Variants in RIMBP2 observed in about 807,000 individuals in gnomAD.
RIMBP2 encodes RIMS binding protein 2, also known as RIMS-binding protein 2.
In RIMBP2, 48 loss-of-function variants were observed where a neutral mutation model predicts 118.6. The ratio of observed to expected loss-of-function variants is 0.40; its 90% confidence interval spans 0.32 to 0.51. The LOEUF (loss-of-function observed/expected upper bound fraction) is 0.51, where lower values mean the gene tolerates loss of function less well. RIMBP2 is among the 20% of genes least tolerant of loss of function. The pLI is 0.41. For missense variants in RIMBP2, 1,551 were observed against 1,768.3 expected, an observed-to-expected ratio of 0.88 and a Z score of 2.20; for synonymous variants, 762 against 742.9, an observed-to-expected ratio of 1.03 and a Z score of -0.42.
chr12:130,521,529 C>T (rs563611483), intron 2 of RIMBP2, among the ~76,000 whole-genome samples: 1 of 152,334 alleles, frequency 6.6e-6, no homozygotes, highest in South Asian at 2.1e-4. Flanking sequence ...CACAAACGCA[C>T]GCGTGGTCCC....
intron 2 of RIMBP2, among the ~76,000 whole-genome samples, chr12:130,589,926 A>G (rs1053671013): frequency 1.3e-5 from 2 of 152,006 alleles, no homozygotes; most frequent in Admixed American, 1.3e-4. Flanking sequence ...CAGCTAACCC[A>G]CAGTCCTCAG....
intron 2 of RIMBP2, among the ~76,000 whole-genome samples, chr12:130,556,101 C>T (rs78505263): frequency 0.027 from 4,066 of 152,238 alleles, 158 homozygotes; most frequent in African/African-American, 0.093. Flanking sequence ...GGAGTCAAGG[C>T]TTGCTGCACT....
intron 2 of RIMBP2, among the ~76,000 whole-genome samples, chr12:130,557,709 T>C (rs1038049530): frequency 1.3e-5 from 2 of 152,238 alleles, no homozygotes; most frequent in Admixed American, 6.5e-5. Context: ...AGGTCACAGC[T>C]ATAGATGACA....
At chr12:130,478,289 C>A (rs1292795875) in intron 5 of RIMBP2, among the ~76,000 whole-genome samples, 1 of 152,200 alleles carries the variant, frequency 6.6e-6, no homozygotes, top group African/African-American at 2.4e-5. Flanking sequence ...ATAAATATTG[C>A]TCTGCAACTC....
intron 7 of RIMBP2, among the ~76,000 whole-genome samples, chr12:130,455,621 C>G (rs866864709): frequency 1.3e-5 from 2 of 152,178 alleles, no homozygotes. Flanking sequence ...TGTTTTTTAG[C>G]AAGACACAAG....
In RIMBP2 at chr12:130,437,049, A is replaced by C. The variant is rs907121805; in HGVS notation, c.1899T>G (p.Gly633=). ...AGGCCTCATCCATCCTGGCGTGGGG[A>C]CCCAGGTGCTCGTCTTTGGTTTCGG... ...GVPETKDEHL[G]PHARMDEAWE... Residue 633 remains glycine, a synonymous_variant, in exon 13 of 23, where the codon GGT becomes GGG. Coordinates refer to ENST00000690449, the MANE Select transcript of RIMBP2 (RefSeq NM_001393629.1). 2 of 1,574,882 alleles carry C rather than the reference A, an allele frequency of 1.3e-6. No individual in the cohort carries two copies. Among genetic ancestry groups the C allele is most frequent in the African/African-American group, 1.4e-5 (1 of 73,528 alleles).
intron 6 of RIMBP2, among the ~76,000 whole-genome samples, chr12:130,460,550 TAGCAGC>T (rs529679479): frequency 3.9e-5 from 6 of 152,060 alleles, no homozygotes; most frequent in Non-Finnish European, 7.4e-5. Flanking sequence ...AGCCTAGTAT[TAGCAGC>T]AGCAGCAGCA....
chr12:130,447,018 AG>A lies in RIMBP2; in HGVS notation c.582-1750del, dbSNP rs531524190. ...AGTGGGGGTTTTCAGGGGGATCTGC[AG>A]GGGGGTCTGGATGGGTAGATGGCCG... On this transcript the variant is annotated intron_variant, in intron 9 of 22. Coordinates refer to ENST00000690449, the MANE Select transcript of RIMBP2 (RefSeq NM_001393629.1). The surrounding 1 kb of genome is among the most constrained non-coding windows in gnomAD (Gnocchi z 4.4). Among the ~76,000 whole-genome samples the A allele has an allele frequency of 4.3e-3, 449 of 104,142 alleles. 3 individuals carry two copies. The highest frequency in any genetic ancestry group is 0.016 in the African/African-American group (416 of 25,496). 68.3% of individuals were successfully genotyped at this position (104,142 alleles called of 152,430 possible).
In RIMBP2 at chr12:130,437,184, G is replaced by A. The variant is rs1294139503; in HGVS notation, c.1764C>T (p.Gly588=). Residue 588 remains glycine, a synonymous_variant, in exon 13 of 23, where the codon GGC becomes GGT. Coordinates refer to ENST00000690449, the MANE Select transcript of RIMBP2 (RefSeq NM_001393629.1). ...CAGCAACTGCAGAGTCCACGGACTC[G>A]CCCTGGGCGGAGAGGGTCCGCACGG... ...GVTVRTLSAQ[G]ESVDSAVAAV... 5 of 1,586,332 alleles carry A rather than the reference G, an allele frequency of 3.2e-6. No individual in the cohort carries two copies. The highest frequency in any genetic ancestry group is 2.3e-5 in the East Asian group (1 of 43,442).
intron 19 of RIMBP2, 65 bp downstream of exon 19, chr12:130,412,550 CCTCT>C: frequency 2.1e-6 from 3 of 1,428,084 alleles, no homozygotes; most frequent in Non-Finnish European, 2.9e-6. Context: ...TCACCGCCTG[CCTCT>C]CTGAGCGGCA....
At chr12:130,564,981 T>C (rs1414073596) in intron 2 of RIMBP2, among the ~76,000 whole-genome samples, 1 of 152,192 alleles carries the variant, frequency 6.6e-6, no homozygotes, top group African/African-American at 2.4e-5. Flanking sequence ...AATGTGTACA[T>C]ATGTCCAAAC....
chr12:130,504,820 G>A (rs932869426), intron 4 of RIMBP2, among the ~76,000 whole-genome samples: 2 of 152,186 alleles, frequency 1.3e-5, no homozygotes, highest in East Asian at 1.9e-4. Flanking sequence ...ACGGATCTGC[G>A]CGTGGGAGAG....
At chr12:130,637,941 A>G (rs1192480453) in intron 1 of RIMBP2, among the ~76,000 whole-genome samples, 1 of 128,386 alleles carries the variant, frequency 7.8e-6, no homozygotes, top group Non-Finnish European at 1.7e-5. Flanking sequence ...GACTGTGTAG[A>G]CAGTTGGGAA....
At chr12:130,453,284 G>A (rs1593356545) in intron 7 of RIMBP2, among the ~76,000 whole-genome samples, 2 of 152,314 alleles carry the variant, frequency 1.3e-5, no homozygotes, top group African/African-American at 4.8e-5. Flanking sequence ...CCCATACAGG[G>A]CGCGAGTCCC....
chr12:130,678,361 T>C (rs2064600881), intron 1 of RIMBP2, among the ~76,000 whole-genome samples: 1 of 152,220 alleles, frequency 6.6e-6, no homozygotes, highest in Admixed American at 6.5e-5. Flanking sequence ...CGTCAGCGGA[T>C]AGGTGGACGA....
intron 4 of RIMBP2, among the ~76,000 whole-genome samples, chr12:130,483,418 A>G (rs913898131): frequency 6.6e-6 from 1 of 152,250 alleles, no homozygotes; most frequent in African/African-American, 2.4e-5. Flanking sequence ...AAATAAATAA[A>G]TAAAAGGGGA....
intron 1 of RIMBP2, among the ~76,000 whole-genome samples, chr12:130,642,813 C>A (rs2141035181): frequency 6.6e-6 from 1 of 152,344 alleles, no homozygotes; most frequent in East Asian, 1.9e-4. Context: ...TTGAAGCTCA[C>A]ACCAGCAGGT....
At chr12:130,661,619 G>A (rs1370513489) in intron 1 of RIMBP2, among the ~76,000 whole-genome samples, 1 of 152,212 alleles carries the variant, frequency 6.6e-6, no homozygotes, top group Non-Finnish European at 1.5e-5. Flanking sequence ...AGCATCTGAT[G>A]TGGCATAAAG....
intron 1 of RIMBP2, among the ~76,000 whole-genome samples, chr12:130,633,470 T>A (rs2062128954): frequency 6.6e-6 from 1 of 151,900 alleles, no homozygotes; most frequent in African/African-American, 2.4e-5. Context: ...CTGAACCACA[T>A]CCTATCCCGA....
Sources: gnomAD v4.1 joint callset for allele counts (sites outside exome capture counted in the v4.1 genomes callset) on GRCh38, gnomAD v4.1.1 for gene constraint, Gnocchi (gnomAD v3.1) non-coding constraint, MANE v1.5 for transcripts, NCBI Gene and HGNC (gene_info 2026-07-23, HGNC 2026-07-21) for gene names.